Variants in SECISBP2 observed in about 807,000 individuals in gnomAD.
SECISBP2 encodes the protein SECIS binding protein 2.
In SECISBP2, 96 loss-of-function variants were observed where a neutral mutation model predicts 98.2. The observed-to-expected ratio is 0.98, with a 90% CI of 0.83 to 1.16. The LOEUF (loss-of-function observed/expected upper bound fraction) is 1.16, where lower values mean the gene tolerates loss of function less well. Ranked by LOEUF, SECISBP2 falls within the 50% of genes most tolerant of loss-of-function variation. The probability of loss-of-function intolerance (pLI) is 0.00; values close to 1 mark genes in which losing one functional copy is unlikely to be tolerated. For missense variants in SECISBP2, 1,046 were observed against 1,022.9 expected, an observed-to-expected ratio of 1.02 and a Z score of -0.31; for synonymous variants, 407 against 370.2, an observed-to-expected ratio of 1.10 and a Z score of -1.14.
At chr9:89,362,542 C>G (rs1005861537), downstream of SECISBP2, 32 of 1,574,682 alleles carry the variant, frequency 2.0e-5, no homozygotes, top group African/African-American at 3.9e-4. Context: ...GCCTCAGCCC[C>G]CTGTTGTGGT....
intron 14 of SECISBP2, among the ~76,000 whole-genome samples, chr9:89,352,871 C>CTTGG: frequency 6.6e-6 from 1 of 151,270 alleles, no homozygotes; most frequent in South Asian, 2.1e-4. Flanking sequence ...GCTGCTGCCT[C>CTTGG]ATGGTTGCCT....
At chr9:89,363,831 C>T (rs773495302), downstream of SECISBP2, 33 of 1,614,120 alleles carry the variant, frequency 2.0e-5, no homozygotes, top group East Asian at 2.2e-5. Flanking sequence ...TCCCTGATGG[C>T]GTCCTGCAGC....
At position 89,359,626 on chromosome 9, in the gene SECISBP2, A is replaced by G. The variant is rs978429674; in HGVS notation, c.*802A>G. On this transcript the variant is annotated 3_prime_UTR_variant, in exon 17 of 17. Transcript: ENST00000375807. ...GTAAGAGGGCTTATTTATTTTAAAT[A>G]AAGAGTAATTATTAAATTTTGTTTC... The G allele has an allele frequency of 2.6e-5, 4 of 152,178 alleles. No homozygotes were observed. Among genetic ancestry groups the G allele is most frequent in the African/African-American group, 7.2e-5 (3 of 41,440 alleles). 9.4% of individuals were successfully genotyped at this position (152,178 alleles called of 1,614,324 possible).
chr9:89,357,428 T>C lies in SECISBP2; in HGVS notation c.2131T>C (p.Leu711=). ...IQSKGGLDDT[L]HTIIDYACEQ... is the part of the protein sequence containing the mutation. ...TTGACCAGGTGGGCTGGATGACACT[T>C]TGCACACAATTATTGATTATGCCTG... is the stretch of plus-strand genomic sequence containing the variant. Residue 711 remains leucine (L), a synonymous_variant, in exon 15 of 17, where the codon TTG becomes CTG. Transcript: ENST00000375807. 1 of 1,614,178 alleles carries C rather than the reference T, an allele frequency of 6.2e-7. No individual in the cohort carries two copies. Among genetic ancestry groups the C allele is most frequent in the Non-Finnish European group, 8.5e-7 (1 of 1,180,048 alleles).
chr9:89,366,587 A>G, the SECISBP2 span, among the ~76,000 whole-genome samples: 3 of 152,370 alleles, frequency 2.0e-5, no homozygotes, highest in South Asian at 6.2e-4. Context: ...CTGGCCACAG[A>G]TAATTCCATG....
At position 89,337,562 on chromosome 9, in the gene SECISBP2, A is replaced by G. The variant is rs557406874; in HGVS notation, c.1090-896A>G. ...GTTTTGTTTTGTTTTTTGTTTTCTT[A>G]AAATGCGATCATTTTATACACATTA... On this transcript the variant is annotated intron_variant, in intron 7 of 16. Transcript: ENST00000375807. Among the ~76,000 whole-genome samples the G allele has an allele frequency of 1.2e-3, 188 of 152,282 alleles. 1 individual carries two copies. The highest frequency in any genetic ancestry group is 3.9e-3 in the African/African-American group (162 of 41,562).
At chr9:89,364,072 T>C, downstream of SECISBP2, 1 of 1,583,756 alleles carries the variant, frequency 6.3e-7, no homozygotes, top group Non-Finnish European at 8.6e-7. Context: ...TTGGGACAAC[T>C]TCCAATTCAG....
At chr9:89,355,615 G>A in intron 14 of SECISBP2, 2 of 957,468 alleles carry the variant, frequency 2.1e-6, no homozygotes, top group Non-Finnish European at 2.5e-6. Flanking sequence ...GCCATGCAGA[G>A]ACTTTAGGTG....
At chr9:89,345,777 A>G (rs1564409070) in intron 10 of SECISBP2, among the ~76,000 whole-genome samples, 1 of 152,170 alleles carries the variant, frequency 6.6e-6, no homozygotes, top group Non-Finnish European at 1.5e-5. Flanking sequence ...GTGAGCACCT[A>G]TGAGCCATAC....
At chr9:89,330,997 A>ATG (rs1487618836) in intron 5 of SECISBP2, among the ~76,000 whole-genome samples, 1 of 152,240 alleles carries the variant, frequency 6.6e-6, no homozygotes. Context: ...CTCTTGAATT[A>ATG]TGTGTGGGCT....
At chr9:89,348,237 T>G (rs758197643) in intron 12 of SECISBP2, 23 bp downstream of exon 12, 1 of 1,613,582 alleles carries the variant, frequency 6.2e-7, no homozygotes, top group Non-Finnish European at 8.5e-7. Context: ...CTTTGTGCCT[T>G]AAGAATAATT....
chr9:89,363,413 C>A, downstream of SECISBP2: 3 of 1,609,592 alleles, frequency 1.9e-6, no homozygotes, highest in Non-Finnish European at 2.5e-6. Context: ...TTTCTTTGCC[C>A]GGCTGCGGCC....
intron 2 of SECISBP2, 83 bp from the exon 3 acceptor site, chr9:89,325,344 T>C (rs1826508303): frequency 2.3e-6 from 3 of 1,279,266 alleles, no homozygotes; most frequent in Middle Eastern, 4.3e-4. Flanking sequence ...ATATTAAATG[T>C]TCAGTTTGAA....
chr9:89,337,798 T>C (rs530465152), intron 7 of SECISBP2, among the ~76,000 whole-genome samples: 23 of 152,306 alleles, frequency 1.5e-4, no homozygotes, highest in African/African-American at 5.5e-4. Flanking sequence ...CGCAGACAGA[T>C]GTAGGACATG....
At chr9:89,338,333 C>A (rs951565348) in intron 7 of SECISBP2, 125 bp from the exon 8 acceptor site, 15 of 1,158,452 alleles carry the variant, frequency 1.3e-5, no homozygotes, top group Middle Eastern at 5.8e-4. Flanking sequence ...GATGAGGAAC[C>A]TAATTCTGAA....
chr9:89,344,904 A>G (rs1045323014), intron 10 of SECISBP2, among the ~76,000 whole-genome samples: 1 of 152,228 alleles, frequency 6.6e-6, no homozygotes, highest in Non-Finnish European at 1.5e-5. Flanking sequence ...GAGAAGGAAC[A>G]AGGAAAAAAT....
intron 9 of SECISBP2, among the ~76,000 whole-genome samples, chr9:89,340,753 A>ACAC (rs1279987468): frequency 6.6e-5 from 10 of 152,202 alleles, no homozygotes; most frequent in African/African-American, 2.4e-4. Flanking sequence ...AGCAAATGGG[A>ACAC]CACCATGCCT....
Position 89,332,353 on chromosome 9 carries a change from G to T in SECISBP2, c.802-555G>T, listed in dbSNP as rs1403485726. ...CCCAAAGCGCATCGTTTGCATTAGGGTTCACTGTTGGTGTTGTGTCTTCTA... is the reference window on the plus strand; with the variant it reads ...CCCAAAGCGCATCGTTTGCATTAGGTTTCACTGTTGGTGTTGTGTCTTCTA... On this transcript the variant is annotated intron_variant, in intron 5 of 16. Coordinates refer to ENST00000375807, the MANE Select transcript of SECISBP2 (RefSeq NM_024077.5). Among the ~76,000 whole-genome samples the T allele has an allele frequency of 3.9e-5, 6 of 152,142 alleles. No individual in the cohort carries two copies. In the East Asian group the frequency reaches 7.7e-4, roughly 19 times the overall value.
At chr9:89,326,475 C>G in intron 4 of SECISBP2, among the ~76,000 whole-genome samples, 1 of 152,170 alleles carries the variant, frequency 6.6e-6, no homozygotes, top group East Asian at 1.9e-4. Context: ...CTACCTGCTT[C>G]CCTCTAGTTT....
Sources: gnomAD v4.1 joint callset for allele counts (sites outside exome capture counted in the v4.1 genomes callset) on GRCh38, gnomAD v4.1.1 for gene constraint, MANE v1.5 for transcripts, NCBI Gene and HGNC (gene_info 2026-07-23, HGNC 2026-07-21) for gene names.